Variants in ST6GALNAC5 observed in about 807,000 individuals in gnomAD.
ST6GALNAC5 encodes the protein ST6 N-acetylgalactosaminide alpha-2,6-sialyltransferase 5.
Under a neutral mutation model 33.6 loss-of-function variants are expected in ST6GALNAC5, and 27 were observed. The ratio of observed to expected loss-of-function variants is 0.80; its 90% CI spans 0.59 to 1.11. The LOEUF is 1.11. Ranked by LOEUF, ST6GALNAC5 falls within the 50% of genes least tolerant of loss-of-function variation. ST6GALNAC5 has a pLI of 0.00. For synonymous variants in ST6GALNAC5, 194 were observed against 171.2 expected, an observed-to-expected ratio of 1.13 and a Z score of -1.04; for missense variants, 428 against 454.0, an observed-to-expected ratio of 0.94 and a Z score of 0.52.
intron 2 of ST6GALNAC5, among the ~76,000 whole-genome samples, chr1:76,872,828 A>T (rs998923217): frequency 6.6e-6 from 1 of 152,218 alleles, no homozygotes; most frequent in Non-Finnish European, 1.5e-5. Context: ...ATAAGATGTA[A>T]TCTGCCAATG....
At chr1:77,054,902 G>A (rs1479490472) in intron 4 of ST6GALNAC5, among the ~76,000 whole-genome samples, 1 of 152,124 alleles carries the variant, frequency 6.6e-6, no homozygotes, top group African/African-American at 2.4e-5. Flanking sequence ...AACCCCAAGT[G>A]GAAGTGGTGG....
chr1:77,064,543 T>G lies in ST6GALNAC5; in HGVS notation c.*1337T>G, dbSNP rs1387312644. ...GCCCTATCATTCAACTCATTTATGC[T>G]ATGAACTGTTTAGACTCACTACAAA... On this transcript the variant is annotated 3_prime_UTR_variant, in exon 5 of 5. Coordinates refer to ENST00000477717, the MANE Select transcript of ST6GALNAC5 (RefSeq NM_030965.3). The G allele has an allele frequency of 6.6e-6, 1 of 152,224 alleles. No individual in the cohort carries two copies. The highest frequency in any genetic ancestry group is 1.9e-4 in the East Asian group (1 of 5,192). 9.4% of individuals were successfully genotyped at this position (152,224 alleles called of 1,614,324 possible). A position where few individuals can be genotyped will look rare whatever the true frequency, so the allele number is the denominator to read the frequency against.
intron 2 of ST6GALNAC5, among the ~76,000 whole-genome samples, chr1:76,915,915 A>G (rs1362412639): frequency 1.3e-5 from 2 of 151,606 alleles, no homozygotes; most frequent in African/African-American, 4.8e-5. Flanking sequence ...CTTGGATAAT[A>G]ATAATAATAA....
At chr1:76,950,794 T>C (rs1647712727) in intron 2 of ST6GALNAC5, among the ~76,000 whole-genome samples, 1 of 152,102 alleles carries the variant, frequency 6.6e-6, no homozygotes, top group South Asian at 2.1e-4. Flanking sequence ...AAAGCCAGAA[T>C]GGGCCAAAAA....
At chr1:76,967,396 T>A (rs1043557321) in intron 2 of ST6GALNAC5, among the ~76,000 whole-genome samples, 1 of 151,736 alleles carries the variant, frequency 6.6e-6, no homozygotes, top group Non-Finnish European at 1.5e-5. Context: ...GAGGTGTTCA[T>A]AGTATTCTTT....
In ST6GALNAC5 at chr1:77,044,204, C is replaced by G. The variant is rs370582645; in HGVS notation, c.262C>G (p.Pro88Ala). The G allele has an allele frequency of 2.5e-6, 4 of 1,592,990 alleles. No homozygotes were observed. The highest frequency in any genetic ancestry group is 3.4e-6 in the Non-Finnish European group (4 of 1,166,282). Residue 88 changes from proline to alanine, a missense_variant and splice_region_variant, in exon 3 of 5, where the codon CCC becomes GCC. Coordinates refer to ENST00000477717, the MANE Select transcript of ST6GALNAC5 (RefSeq NM_030965.3). ...GTGTCCTTCTCCCCCTGCCTTCCAG[C>G]CCCTGAAAATGCACTGCAGGGACTG... ...DGYLGVADHK[P>A]LKMHCRDCAL...
intron 2 of ST6GALNAC5, among the ~76,000 whole-genome samples, chr1:76,937,987 A>C (rs561534712): frequency 6.6e-6 from 1 of 152,040 alleles, no homozygotes; most frequent in Admixed American, 6.6e-5. Context: ...AGGGAAGAAA[A>C]GAACTTAGAG....
chr1:76,915,902 TTCCTTGG>T (rs1208458065), intron 2 of ST6GALNAC5, among the ~76,000 whole-genome samples: 6 of 109,316 alleles, frequency 5.5e-5, no homozygotes, highest in Non-Finnish European at 1.2e-4. Context: ...AACAAAAAAC[TTCCTTGG>T]ATAATAATAA....
chr1:76,964,214 A>C (rs1476836044), intron 2 of ST6GALNAC5, among the ~76,000 whole-genome samples: 2 of 152,176 alleles, frequency 1.3e-5, no homozygotes, highest in Non-Finnish European at 2.9e-5. Flanking sequence ...CTATAAAAAA[A>C]AATAAAGTCT....
In ST6GALNAC5 at chr1:76,912,484, A is replaced by G. The variant is rs553299499; in HGVS notation, c.261+43742A>G. ...AGTTCAATTCCTGGGTATCCTTGTT[A>G]ACTTTCTGTCTCGTTGATCTGTCTA... is the stretch of plus-strand genomic sequence containing the variant. On this transcript the variant is annotated intron_variant, in intron 2 of 4. Transcript: ENST00000477717. Among the ~76,000 whole-genome samples the G allele has an allele frequency of 1.0e-3, 157 of 151,978 alleles. 1 individual carries two copies. The highest frequency in any genetic ancestry group is 3.6e-3 in the African/African-American group (150 of 41,432).
chr1:76,988,973 T>A (rs139658533), intron 2 of ST6GALNAC5, among the ~76,000 whole-genome samples: 3,744 of 152,252 alleles, frequency 0.025, 79 homozygotes, highest in Non-Finnish European at 0.039. Flanking sequence ...TATCTCAAAG[T>A]CTCTTTGCTT....
chr1:76,911,925 T>C (rs1646918057), intron 2 of ST6GALNAC5, among the ~76,000 whole-genome samples: 1 of 152,210 alleles, frequency 6.6e-6, no homozygotes, highest in Non-Finnish European at 1.5e-5. Flanking sequence ...TCTATTTCCT[T>C]CAGTTCTGCT....
At chr1:77,044,133 G>A in intron 2 of ST6GALNAC5, 71 bp from the exon 3 acceptor site, 2 of 1,489,744 alleles carry the variant, frequency 1.3e-6, no homozygotes, top group South Asian at 2.7e-5. Flanking sequence ...AGGCAGGGAA[G>A]TAGCCTGCTG....
At chr1:76,913,946 A>G (rs1424816531) in intron 2 of ST6GALNAC5, among the ~76,000 whole-genome samples, 3 of 152,288 alleles carry the variant, frequency 2.0e-5, no homozygotes, top group East Asian at 3.9e-4. Context: ...AGAAAACCCC[A>G]TTGTCTCAGC....
chr1:76,961,940 TTAAAA>T (rs2100351308), intron 2 of ST6GALNAC5, among the ~76,000 whole-genome samples: 1 of 152,310 alleles, frequency 6.6e-6, no homozygotes, highest in Non-Finnish European at 1.5e-5. Context: ...ATCCATGTGC[TTAAAA>T]TAAAGACTGG....
Position 76,868,572 on chromosome 1 carries a change from G to C in ST6GALNAC5, c.91G>C (p.Gly31Arg), listed in dbSNP as rs768112261. The change falls in exon 2 of 5, where the codon GGC (glycine) becomes CGC (arginine). Residue 31 changes from glycine to arginine, a missense_variant. Physicochemically the swap from Gly to Arg is moderately radical, Grantham distance 125. Transcript: ENST00000477717. This position sits in a 1 kb window ranked among gnomAD's most constrained non-coding sequence, Gnocchi z 4.3. ...GTTGCTAGTGTACAGCAGCCTCGGC[G>C]GCCAGAAGGAGCGGCCCCCGCAGCA... ...SLLLVYSSLG[G>R]QKERPPQQQQ... The C allele has an allele frequency of 6.2e-7, 1 of 1,612,990 alleles. No homozygotes were observed. Among genetic ancestry groups the C allele is most frequent in the Admixed American group, 1.7e-5 (1 of 59,974 alleles).
intron 4 of ST6GALNAC5, among the ~76,000 whole-genome samples, chr1:77,059,349 G>A (rs761907784): frequency 1.2e-4 from 18 of 152,092 alleles, no homozygotes; most frequent in Non-Finnish European, 1.9e-4. Context: ...ATCCATGGCC[G>A]TTCCTCAGGC....
At chr1:76,877,874 G>C (rs1372634596) in intron 2 of ST6GALNAC5, among the ~76,000 whole-genome samples, 1 of 152,252 alleles carries the variant, frequency 6.6e-6, no homozygotes, top group Non-Finnish European at 1.5e-5. Flanking sequence ...ATTGCTTCTA[G>C]TGGGCCTTAT....
intron 3 of ST6GALNAC5, among the ~76,000 whole-genome samples, chr1:77,046,796 T>A (rs1467827553): frequency 6.6e-6 from 1 of 152,246 alleles, no homozygotes; most frequent in Non-Finnish European, 1.5e-5. Context: ...TTTAGTTTAA[T>A]GGTTGATTGC....
Sources: gnomAD v4.1 joint callset for allele counts (sites outside exome capture counted in the v4.1 genomes callset) on GRCh38, gnomAD v4.1.1 for gene constraint, Gnocchi (gnomAD v3.1) non-coding constraint, MANE v1.5 for transcripts, NCBI Gene and HGNC (gene_info 2026-07-23, HGNC 2026-07-21) for gene names.